Variants in LYRM4 observed in about 807,000 individuals in gnomAD.
The protein encoded by LYRM4 is LYR motif containing 4.
Under a neutral mutation model 11.7 loss-of-function variants are expected in LYRM4, and 9 were observed. The ratio of observed to expected loss-of-function variants is 0.77; its 90% CI spans 0.46 to 1.34. The LOEUF is 1.34. Among genes scored for constraint, LYRM4 ranks in the 40% most tolerant of loss-of-function variants. The pLI is 0.00. For missense variants in LYRM4, 133 were observed against 112.5 expected (o/e 1.18, Z -0.82); for synonymous variants, 42 against 40.4 (o/e 1.04, Z -0.15).
chr6:5,074,786 TG>T, the LYRM4 span, among the ~76,000 whole-genome samples: 6 of 151,962 alleles, frequency 3.9e-5, no homozygotes, highest in African/African-American at 1.5e-4. Flanking sequence ...ACGTTGATGG[TG>T]GTGATGGTGA....
intron 2 of LYRM4, among the ~76,000 whole-genome samples, chr6:5,196,465 G>C (rs1433366123): frequency 6.6e-6 from 1 of 152,140 alleles, no homozygotes; most frequent in East Asian, 1.9e-4. Flanking sequence ...CTCTGCAAAA[G>C]CAGTTTGACT....
At chr6:5,259,122 T>C (rs778639267) in intron 1 of LYRM4, among the ~76,000 whole-genome samples, 3 of 152,250 alleles carry the variant, frequency 2.0e-5, no homozygotes, top group Non-Finnish European at 4.4e-5. Context: ...CTTTCTTACA[T>C]GCTCTCACAT....
chr6:5,057,850 C>T, the LYRM4 span, among the ~76,000 whole-genome samples: 5 of 151,972 alleles, frequency 3.3e-5, no homozygotes, highest in African/African-American at 1.2e-4. Context: ...CAGCCTCGAA[C>T]TCCTGGGCTC....
At chr6:5,073,379 A>T in the LYRM4 span, among the ~76,000 whole-genome samples, 6 of 151,350 alleles carry the variant, frequency 4.0e-5, no homozygotes, top group East Asian at 1.9e-4. Flanking sequence ...AAATATATAT[A>T]TTTTTTATAT....
At chr6:5,245,145 T>TAAGGG (rs1764129862) in intron 1 of LYRM4, among the ~76,000 whole-genome samples, 3 of 85,122 alleles carry the variant, frequency 3.5e-5, no homozygotes, top group Non-Finnish European at 6.8e-5. Context: ...TATATATATA[T>TAAGGG]ATATATATAT....
chr6:5,206,449 G>C (rs1040180245), intron 2 of LYRM4, among the ~76,000 whole-genome samples: 1 of 152,202 alleles, frequency 6.6e-6, no homozygotes, highest in Non-Finnish European at 1.5e-5. Context: ...ATAGTCTAAT[G>C]AAAGAAACCC....
At chr6:5,073,375 A>G in the LYRM4 span, among the ~76,000 whole-genome samples, 1 of 151,580 alleles carries the variant, frequency 6.6e-6, no homozygotes, top group Non-Finnish European at 1.5e-5. Context: ...TAAAAAATAT[A>G]TATATTTTTT....
chr6:5,143,898 T>C (rs960681732), intron 2 of LYRM4, among the ~76,000 whole-genome samples: 1 of 152,250 alleles, frequency 6.6e-6, no homozygotes, highest in African/African-American at 2.4e-5. Context: ...AAGTGATTTA[T>C]GTATTTGGAT....
the LYRM4 span, among the ~76,000 whole-genome samples, chr6:5,057,670 G>A: frequency 0.031 from 4,593 of 148,826 alleles, 114 homozygotes; most frequent in African/African-American, 0.07. Context: ...ACCCGAGATC[G>A]CACCACAGCA....
chr6:5,220,194 C>T (rs951884792), intron 1 of LYRM4, among the ~76,000 whole-genome samples: 1 of 152,228 alleles, frequency 6.6e-6, no homozygotes, highest in African/African-American at 2.4e-5. Flanking sequence ...CCCTGTTGCA[C>T]AGCAGGCAGT....
chr6:5,085,758 C>G, the LYRM4 span: 9 of 1,536,798 alleles, frequency 5.9e-6, no homozygotes, highest in Non-Finnish European at 7.9e-6. Flanking sequence ...CCGCCGACCC[C>G]ATCTTGCAGG....
intron 2 of LYRM4, among the ~76,000 whole-genome samples, chr6:5,145,758 G>A (rs771006503): frequency 6.6e-6 from 1 of 152,134 alleles, no homozygotes; most frequent in Non-Finnish European, 1.5e-5. Flanking sequence ...ACTTCACGTG[G>A]TCTTATTTAC....
the LYRM4 span, among the ~76,000 whole-genome samples, chr6:5,078,700 G>A: frequency 5.3e-5 from 8 of 152,052 alleles, no homozygotes; most frequent in Non-Finnish European, 1.2e-4. Flanking sequence ...CAAATTCATT[G>A]CAAGTGTATT....
chr6:5,080,417 G>A, the LYRM4 span, among the ~76,000 whole-genome samples: 15 of 152,228 alleles, frequency 9.9e-5, no homozygotes, highest in Non-Finnish European at 2.2e-4. Context: ...ATACCTCCAT[G>A]TGCCCCTGGA....
intron 1 of LYRM4, among the ~76,000 whole-genome samples, chr6:5,250,957 G>A (rs1223100415): frequency 6.6e-6 from 1 of 152,168 alleles, no homozygotes; most frequent in Non-Finnish European, 1.5e-5. Context: ...ATATATGACA[G>A]CCAAAACATC....
chr6:5,250,990 C>A (rs1336376300), intron 1 of LYRM4, among the ~76,000 whole-genome samples: 1 of 152,178 alleles, frequency 6.6e-6, no homozygotes, highest in Non-Finnish European at 1.5e-5. Flanking sequence ...GTCTCCTCAG[C>A]CCCAGTACAT....
chr6:5,166,847 T>C (rs1006281402), intron 2 of LYRM4, among the ~76,000 whole-genome samples: 2 of 152,238 alleles, frequency 1.3e-5, no homozygotes, highest in South Asian at 2.1e-4. Context: ...TCCTTCGATA[T>C]AAGTTGTTAT....
intron 2 of LYRM4, among the ~76,000 whole-genome samples, chr6:5,137,802 C>A (rs1280255241): frequency 6.6e-6 from 1 of 152,230 alleles, no homozygotes; most frequent in African/African-American, 2.4e-5. Flanking sequence ...AGGTCACACA[C>A]TGGAGTAAGA....
At chr6:5,054,192 G>A in the LYRM4 span, 1 of 718,876 alleles carries the variant, frequency 1.4e-6, no homozygotes, top group African/African-American at 1.9e-5. Flanking sequence ...GGGAAAGGAA[G>A]GAAAGACATC....
Sources: gnomAD v4.1 joint callset for allele counts (sites outside exome capture counted in the v4.1 genomes callset) on GRCh38, gnomAD v4.1.1 for gene constraint, MANE v1.5 for transcripts, NCBI Gene and HGNC (gene_info 2026-07-23, HGNC 2026-07-21) for gene names.